CYP7B1: variants seen among roughly 807,000 people sequenced by gnomAD.
CYP7B1 encodes the protein cytochrome P450 7B1.
In CYP7B1, 29 loss-of-function variants were observed where a neutral mutation model predicts 42.7. That is an observed-to-expected ratio of 0.68 (90% CI 0.51 to 0.93). The LOEUF is 0.93. CYP7B1 is among the 40% of genes least tolerant of loss of function. The pLI, the probability that CYP7B1 is intolerant of heterozygous loss-of-function variation, is 0.00. For missense variants in CYP7B1, 655 were observed against 600.5 expected, an observed-to-expected ratio of 1.09 and a Z score of -0.95; for synonymous variants, 235 against 218.2, an observed-to-expected ratio of 1.08 and a Z score of -0.68.
intron 1 of CYP7B1, among the ~76,000 whole-genome samples, chr8:64,735,248 AT>A (rs1487585147): frequency 1.1e-4 from 16 of 152,342 alleles, no homozygotes; most frequent in African/African-American, 3.8e-4. Flanking sequence ...GCACTGCAAA[AT>A]ATGTCGCTTT....
intron 1 of CYP7B1, among the ~76,000 whole-genome samples, chr8:64,704,981 T>C (rs1184513683): frequency 2.0e-5 from 3 of 152,138 alleles, no homozygotes; most frequent in South Asian, 2.1e-4. Context: ...ATTATCTCTG[T>C]GGCCTACTCA....
chr8:64,795,370 A>G (rs1232685683), intron 1 of CYP7B1, among the ~76,000 whole-genome samples: 1 of 152,214 alleles, frequency 6.6e-6, no homozygotes, highest in Non-Finnish European at 1.5e-5. Flanking sequence ...AGAGTGGCCC[A>G]GGCCCTCCTC....
intron 1 of CYP7B1, among the ~76,000 whole-genome samples, chr8:64,642,491 G>A (rs1025178359): frequency 2.6e-5 from 4 of 152,094 alleles, no homozygotes; most frequent in Non-Finnish European, 5.9e-5. Flanking sequence ...CACAGATGAT[G>A]ATTTATTTGG....
chr8:64,690,355 A>G (rs1806720511), intron 1 of CYP7B1, among the ~76,000 whole-genome samples: 1 of 152,206 alleles, frequency 6.6e-6, no homozygotes, highest in Non-Finnish European at 1.5e-5. Flanking sequence ...GAAAGCTGTG[A>G]TCGCACCACT....
chr8:64,608,388 A>G (rs1041907063), intron 4 of CYP7B1, among the ~76,000 whole-genome samples: 1 of 152,244 alleles, frequency 6.6e-6, no homozygotes, highest in African/African-American at 2.4e-5. Context: ...TTTCTGCCTC[A>G]CACTTAGGCC....
rs71260892 is a variant in CYP7B1 at position 64,624,951 on chromosome 8, C to CTTTTTTTTTTTT, written c.123-424_123-413dup. Among the ~76,000 whole-genome samples the CTTTTTTTTTTTT allele has an allele frequency of 1.5e-3, 82 of 54,064 alleles. 18 individuals carry two copies. The highest frequency in any genetic ancestry group is 0.016 in the Middle Eastern group (1 of 62). 35.5% of individuals were successfully genotyped at this position (54,064 alleles called of 152,430 possible). ...AGTCCCCAAAGTCCATTATATCATTCTTTTTTTTTTTTTTTTTTTTTTTTT... is the reference window on the plus strand; with the variant it reads ...AGTCCCCAAAGTCCATTATATCATTCTTTTTTTTTTTTTTTTTTTTTTTTTTTTTTTTTTTTT... On this transcript the variant is annotated intron_variant, in intron 1 of 5. Transcript: ENST00000310193.
chr8:64,733,622 T>C (rs1037090926), intron 1 of CYP7B1, among the ~76,000 whole-genome samples: 2 of 152,150 alleles, frequency 1.3e-5, no homozygotes, highest in African/African-American at 2.4e-5. Flanking sequence ...TGACACAGGC[T>C]TGGCATTTTT....
chr8:64,704,711 T>C (rs1254397134), intron 1 of CYP7B1, among the ~76,000 whole-genome samples: 2 of 152,092 alleles, frequency 1.3e-5, no homozygotes, highest in Admixed American at 6.6e-5. Context: ...TTTCATGCTG[T>C]TCTGGCTTTG....
chr8:64,637,566 T>C (rs922063521), intron 1 of CYP7B1, among the ~76,000 whole-genome samples: 2 of 152,124 alleles, frequency 1.3e-5, no homozygotes, highest in Non-Finnish European at 2.9e-5. Context: ...TATTAGAACA[T>C]GGGACATAGA....
At chr8:64,590,398 T>C (rs1336514926), downstream of CYP7B1, among the ~76,000 whole-genome samples, 1 of 152,240 alleles carries the variant, frequency 6.6e-6, no homozygotes, top group African/African-American at 2.4e-5. Context: ...ATTTTAGTTT[T>C]ATGAACAAAT....
chr8:64,691,523 C>T (rs1238643831), intron 1 of CYP7B1, among the ~76,000 whole-genome samples: 1 of 148,212 alleles, frequency 6.7e-6, no homozygotes, highest in Non-Finnish European at 1.5e-5. Flanking sequence ...TGTGGATGGC[C>T]TCCAAAGTCC....
chr8:64,692,087 T>A (rs1295300583), intron 1 of CYP7B1, among the ~76,000 whole-genome samples: 1 of 152,172 alleles, frequency 6.6e-6, no homozygotes, highest in Non-Finnish European at 1.5e-5. Flanking sequence ...TGAATACGCA[T>A]ATGCTAACAA....
chr8:64,600,571 C>T (rs1480579320), intron 5 of CYP7B1, among the ~76,000 whole-genome samples: 1 of 152,110 alleles, frequency 6.6e-6, no homozygotes, highest in African/African-American at 2.4e-5. Flanking sequence ...AGCAAGATGG[C>T]AGAGTACAGA....
intron 1 of CYP7B1, among the ~76,000 whole-genome samples, chr8:64,713,921 G>A (rs540876603): frequency 2.0e-5 from 3 of 152,144 alleles, no homozygotes; most frequent in Admixed American, 6.5e-5. Flanking sequence ...TTTAATAATT[G>A]TAAACATCTA....
chr8:64,654,952 G>A (rs1806099580), intron 1 of CYP7B1, among the ~76,000 whole-genome samples: 1 of 152,140 alleles, frequency 6.6e-6, no homozygotes, highest in South Asian at 2.1e-4. Context: ...ATGGTGTTGA[G>A]GTAACTGGCT....
At chr8:64,792,738 A>G (rs987526814) in intron 1 of CYP7B1, among the ~76,000 whole-genome samples, 2 of 152,142 alleles carry the variant, frequency 1.3e-5, no homozygotes, top group Non-Finnish European at 2.9e-5. Flanking sequence ...AGATCCTCGC[A>G]AATACGTGAT....
intron 1 of CYP7B1, among the ~76,000 whole-genome samples, chr8:64,702,092 T>C (rs1388835408): frequency 6.6e-6 from 1 of 152,024 alleles, no homozygotes; most frequent in Non-Finnish European, 1.5e-5. Flanking sequence ...ACTGATAATA[T>C]TTTTTATGGG....
At chr8:64,612,194 A>AT (rs530750000) in intron 4 of CYP7B1, among the ~76,000 whole-genome samples, 1 of 151,874 alleles carries the variant, frequency 6.6e-6, no homozygotes, top group African/African-American at 2.4e-5. Context: ...TCCACCCCAG[A>AT]TTTTTTTCTG....
At chr8:64,735,632 T>C (rs949432103) in intron 1 of CYP7B1, among the ~76,000 whole-genome samples, 2 of 152,190 alleles carry the variant, frequency 1.3e-5, no homozygotes, top group African/African-American at 4.8e-5. Context: ...CCTCTATTTG[T>C]TTTTATCTTA....
Sources: allele counts gnomAD v4.1 joint callset (sites outside exome capture counted in the v4.1 genomes callset), GRCh38; gene constraint gnomAD v4.1.1; transcripts MANE v1.5; gene names NCBI Gene and HGNC (gene_info 2026-07-23, HGNC 2026-07-21).